The following TMTC2 variants were observed in gnomAD, a reference collection of about 807,000 sequenced individuals.
The protein encoded by TMTC2 is transmembrane O-mannosyltransferase targeting cadherins 2, also known as protein O-mannosyl-transferase TMTC2.
In TMTC2, 43 loss-of-function variants were observed where a neutral mutation model predicts 82.4. The ratio of observed to expected loss-of-function variants is 0.52; its 90% CI spans 0.41 to 0.67. The LOEUF (loss-of-function observed/expected upper bound fraction) is 0.67, where lower values mean the gene tolerates loss of function less well. Among genes scored for constraint, TMTC2 ranks in the 30% least tolerant of loss-of-function variants. The probability of loss-of-function intolerance (pLI) is 0.00; values close to 1 mark genes in which losing one functional copy is unlikely to be tolerated. For missense variants in TMTC2, 919 were observed against 1,012.4 expected (o/e 0.91, Z 1.25); for synonymous variants, 408 against 381.9 (o/e 1.07, Z -0.80).
At chr12:82,697,604 C>A (rs950702382) in intron 1 of TMTC2, among the ~76,000 whole-genome samples, 2 of 152,096 alleles carry the variant, frequency 1.3e-5, no homozygotes, top group African/African-American at 4.8e-5. Flanking sequence ...TTAAGTTGAT[C>A]CTATGAGTTT....
At chr12:82,783,479 A>C (rs1878013328) in intron 1 of TMTC2, among the ~76,000 whole-genome samples, 1 of 152,042 alleles carries the variant, frequency 6.6e-6, no homozygotes, top group South Asian at 2.1e-4. Flanking sequence ...TTTGTAGTCC[A>C]GTGAGTAGAA....
At position 82,966,961 on chromosome 12, in the gene TMTC2, A is replaced by G. The variant is rs905900107; in HGVS notation, c.1912A>G (p.Arg638Gly). 6.0e-5 allele frequency: 96 copies of G among 1,613,340 alleles called. No individual in the cohort carries two copies. Among genetic ancestry groups the G allele is most frequent in the Non-Finnish European group, 7.4e-5 (87 of 1,179,514 alleles). Residue 638 changes from arginine (R) to glycine (G), a missense_variant, in exon 7 of 12, where the codon AGG becomes GGG. Coordinates refer to ENST00000321196, the MANE Select transcript of TMTC2 (RefSeq NM_152588.3). ...VYKEAIQKMP[R>G]QFAPQSLYNM... ...CAAGGAAGCAATTCAGAAAATGCCA[A>G]GGCAGTTTGCCCCACAGAGCTTGTA...
chr12:82,756,262 C>T (rs535810738), intron 1 of TMTC2, among the ~76,000 whole-genome samples: 1 of 152,284 alleles, frequency 6.6e-6, no homozygotes, highest in Non-Finnish European at 1.5e-5. Context: ...AATTCTTCTC[C>T]TATCAATAAT....
Position 83,050,670 on chromosome 12 carries a change from ATAGTC to A in TMTC2, c.2153-231_2153-227del, listed in dbSNP as rs138591345. 5.1e-3 allele frequency among the ~76,000 whole-genome samples: 775 copies of A among 152,234 alleles called. 2 individuals are homozygous for A. The highest frequency in any genetic ancestry group is 0.018 in the African/African-American group (741 of 41,554). Reference sequence around the variant, plus strand: ...ATTTATTCATCATATATCTTGCTGAATAGTCTATAGACGATTTCTTTTTAAGAAAA... The same window carrying A: ...ATTTATTCATCATATATCTTGCTGAATATAGACGATTTCTTTTTAAGAAAA... On this transcript the variant is annotated intron_variant, in intron 9 of 11. Coordinates refer to ENST00000321196, the MANE Select transcript of TMTC2 (RefSeq NM_152588.3).
intron 8 of TMTC2, among the ~76,000 whole-genome samples, chr12:83,017,375 A>G (rs1295800689): frequency 6.6e-6 from 1 of 152,234 alleles, no homozygotes; most frequent in Non-Finnish European, 1.5e-5. Context: ...TAGACAGAGC[A>G]GTTTCAGGCA....
chr12:82,720,726 GT>G (rs1244885267), intron 1 of TMTC2, among the ~76,000 whole-genome samples: 2 of 152,150 alleles, frequency 1.3e-5, no homozygotes, highest in Non-Finnish European at 2.9e-5. Flanking sequence ...AGCGCTTGTT[GT>G]TATCTGTCTT....
At chr12:82,752,000 C>T (rs370716340) in intron 1 of TMTC2, among the ~76,000 whole-genome samples, 30 of 152,070 alleles carry the variant, frequency 2.0e-4, no homozygotes, top group Admixed American at 7.2e-4. Context: ...GGTGTTTAAA[C>T]GCATTGACAT....
intron 11 of TMTC2, among the ~76,000 whole-genome samples, chr12:83,123,305 A>C (rs765342976): frequency 6.6e-6 from 1 of 152,190 alleles, no homozygotes; most frequent in African/African-American, 2.4e-5. Context: ...GTTTTATTCA[A>C]AGCCATTTCA....
intron 11 of TMTC2, among the ~76,000 whole-genome samples, chr12:83,096,229 G>A (rs930448751): frequency 1.3e-5 from 2 of 152,236 alleles, no homozygotes; most frequent in Non-Finnish European, 2.9e-5. Flanking sequence ...TTATCAGTGT[G>A]AGAAATATGA....
chr12:83,062,885 C>A (rs1882793302), intron 11 of TMTC2, among the ~76,000 whole-genome samples: 1 of 151,782 alleles, frequency 6.6e-6, no homozygotes, highest in Non-Finnish European at 1.5e-5. Context: ...CATCCACTTG[C>A]AACCTTAGCC....
intron 1 of TMTC2, among the ~76,000 whole-genome samples, chr12:82,808,448 T>A (rs1879339836): frequency 6.6e-6 from 1 of 152,112 alleles, no homozygotes; most frequent in African/African-American, 2.4e-5. Flanking sequence ...TTTATGTATA[T>A]CATCTTATTT....
chr12:82,835,755 G>T (rs536693932), intron 1 of TMTC2, among the ~76,000 whole-genome samples: 1 of 152,208 alleles, frequency 6.6e-6, no homozygotes, highest in Non-Finnish European at 1.5e-5. Flanking sequence ...AGTTCGCATT[G>T]ATATGGACAT....
intron 11 of TMTC2, among the ~76,000 whole-genome samples, chr12:83,099,549 T>C (rs1884143521): frequency 6.6e-6 from 1 of 152,200 alleles, no homozygotes; most frequent in Non-Finnish European, 1.5e-5. Context: ...TTTTAGTGTA[T>C]AAGCCAGATT....
intron 1 of TMTC2, among the ~76,000 whole-genome samples, chr12:82,808,886 GT>G (rs898673398): frequency 6.6e-6 from 1 of 151,618 alleles, no homozygotes; most frequent in African/African-American, 2.4e-5. Context: ...TTGGCCAAAA[GT>G]TTTGTCCATT....
At chr12:82,688,497 A>G (rs1237730947) in intron 1 of TMTC2, among the ~76,000 whole-genome samples, 1 of 152,178 alleles carries the variant, frequency 6.6e-6, no homozygotes, top group South Asian at 2.1e-4. Context: ...GTCTCTTCCT[A>G]TCTTTTAAAC....
At chr12:82,895,342 C>G (rs1394312170) in intron 2 of TMTC2, among the ~76,000 whole-genome samples, 1 of 152,104 alleles carries the variant, frequency 6.6e-6, no homozygotes, top group African/African-American at 2.4e-5. Context: ...CACAAGAGTC[C>G]TGCCATACCA....
chr12:83,045,727 G>GCACACACACA lies in TMTC2; in HGVS notation c.2153-5161_2153-5152dup, dbSNP rs71068972. Among the ~76,000 whole-genome samples, 37 of 142,538 alleles carry GCACACACACA rather than the reference G, an allele frequency of 2.6e-4. 1 individual carries two copies. Among genetic ancestry groups the GCACACACACA allele is most frequent in the Middle Eastern group, 3.6e-3 (1 of 274 alleles). The allele number at this position is 142,538 out of a possible 152,430, so 93.5% of individuals were successfully genotyped here. On this transcript the variant is annotated intron_variant, in intron 9 of 11. Transcript: ENST00000321196. Reference sequence around the variant, plus strand: ...CTCCTTCACACACACACACACACACGCACACACACACACACACACACACAC... The same window carrying GCACACACACA: ...CTCCTTCACACACACACACACACACGCACACACACACACACACACACACACACACACACAC...
chr12:83,017,779 T>C (rs1392609996), intron 8 of TMTC2, among the ~76,000 whole-genome samples: 1 of 150,094 alleles, frequency 6.7e-6, no homozygotes, highest in African/African-American at 2.4e-5. Context: ...CAACCAGTCA[T>C]GTTCAGTTAA....
intron 1 of TMTC2, among the ~76,000 whole-genome samples, chr12:82,802,128 C>T (rs1261431674): frequency 1.3e-5 from 2 of 152,132 alleles, no homozygotes; most frequent in Non-Finnish European, 2.9e-5. Context: ...GGGGAAGGCT[C>T]ACGCATGGTA....
Sources: gnomAD v4.1 joint callset for allele counts (sites outside exome capture counted in the v4.1 genomes callset) on GRCh38, gnomAD v4.1.1 for gene constraint, MANE v1.5 for transcripts, NCBI Gene and HGNC (gene_info 2026-07-23, HGNC 2026-07-21) for gene names.